The following BMPER variants were observed in gnomAD, a reference collection of about 807,000 sequenced individuals.
BMPER encodes the protein BMP-binding endothelial regulator protein.
In BMPER, 45 loss-of-function variants were observed where a neutral mutation model predicts 87.3. The ratio of observed to expected loss-of-function variants is 0.52; its 90% CI spans 0.41 to 0.66. BMPER has a LOEUF of 0.66. Ranked by LOEUF, BMPER falls within the 30% of genes least tolerant of loss-of-function variation. The pLI, the probability that BMPER is intolerant of heterozygous loss-of-function variation, is 0.00. For missense variants in BMPER, 784 were observed against 867.5 expected (o/e 0.90, Z 1.21); for synonymous variants, 326 against 316.2 (o/e 1.03, Z -0.33).
intron 13 of BMPER, among the ~76,000 whole-genome samples, chr7:34,100,053 C>T (rs1258263873): frequency 1.3e-5 from 2 of 152,060 alleles, no homozygotes; most frequent in Non-Finnish European, 2.9e-5. Context: ...TTCCTCCCTC[C>T]CTCCCTCTCT....
intron 13 of BMPER, among the ~76,000 whole-genome samples, chr7:34,125,087 C>T (rs1385499409): frequency 6.6e-6 from 1 of 151,508 alleles, no homozygotes; most frequent in African/African-American, 2.4e-5. Flanking sequence ...GGTATTTTTG[C>T]CCTTATATTT....
chr7:33,910,705 T>C (rs886406937), intron 2 of BMPER, among the ~76,000 whole-genome samples: 2 of 152,208 alleles, frequency 1.3e-5, no homozygotes, highest in South Asian at 4.1e-4. Context: ...AATTCAATGT[T>C]ACAAGAATCA....
At chr7:33,929,495 A>G (rs1292696764) in intron 2 of BMPER, among the ~76,000 whole-genome samples, 1 of 152,212 alleles carries the variant, frequency 6.6e-6, no homozygotes, top group Non-Finnish European at 1.5e-5. Flanking sequence ...TGTGTTCAGA[A>G]TGAAACCATA....
At chr7:34,020,857 T>A (rs1787160838) in intron 6 of BMPER, among the ~76,000 whole-genome samples, 1 of 129,894 alleles carries the variant, frequency 7.7e-6, no homozygotes, top group African/African-American at 3.0e-5. Context: ...GATGAATTTC[T>A]TAACACACAC....
chr7:34,152,517 C>A (rs1442150312), intron 14 of BMPER, among the ~76,000 whole-genome samples: 1 of 152,206 alleles, frequency 6.6e-6, no homozygotes, highest in Non-Finnish European at 1.5e-5. Flanking sequence ...TTTGACCCAG[C>A]CAGCTGCTGT....
chr7:33,994,127 T>C (rs1282750355), intron 6 of BMPER, among the ~76,000 whole-genome samples: 1 of 152,144 alleles, frequency 6.6e-6, no homozygotes, highest in African/African-American at 2.4e-5. Flanking sequence ...GCAGGCCTCC[T>C]TGAGCTGTGG....
At chr7:34,096,145 A>C (rs766653715) in intron 13 of BMPER, among the ~76,000 whole-genome samples, 5 of 152,198 alleles carry the variant, frequency 3.3e-5, no homozygotes, top group Non-Finnish European at 5.9e-5. Context: ...CCTGGGTGCC[A>C]GAACTCCTTG....
At chr7:34,024,384 A>AATATATATATAT (rs200214350) in intron 6 of BMPER, among the ~76,000 whole-genome samples, 7 of 23,428 alleles carry the variant, frequency 3.0e-4, no homozygotes, top group Non-Finnish European at 4.1e-4. Context: ...AAAAAAAAAC[A>AATATATATATAT]ATATATATAT....
chr7:34,046,974 G>A (rs1048380586), intron 7 of BMPER, among the ~76,000 whole-genome samples: 6 of 150,306 alleles, frequency 4.0e-5, no homozygotes, highest in Admixed American at 2.0e-4. Flanking sequence ...GTGAAATGTA[G>A]GTACTAAGTA....
chr7:33,944,330 A>T (rs1210398013), intron 3 of BMPER, among the ~76,000 whole-genome samples: 4 of 151,602 alleles, frequency 2.6e-5, no homozygotes, highest in African/African-American at 9.7e-5. Context: ...AATGCCCGGC[A>T]ATTTTTTTGT....
At chr7:33,933,738 C>T (rs1425700328) in intron 2 of BMPER, among the ~76,000 whole-genome samples, 3 of 152,160 alleles carry the variant, frequency 2.0e-5, no homozygotes, top group African/African-American at 7.2e-5. Context: ...TGTCTGGAGC[C>T]ACCAGGAAGA....
chr7:34,133,480 T>A (rs147799941), intron 13 of BMPER, among the ~76,000 whole-genome samples: 1 of 152,262 alleles, frequency 6.6e-6, no homozygotes, highest in Non-Finnish European at 1.5e-5. Flanking sequence ...TGTGCATCTC[T>A]TCCATCTGGC....
At position 33,928,342 on chromosome 7, in the gene BMPER, C is replaced by T. The variant is rs879871281; in HGVS notation, c.220-8947C>T. Among the ~76,000 whole-genome samples the T allele has an allele frequency of 2.2e-4, 34 of 152,252 alleles. 1 individual carries two copies. Among genetic ancestry groups the T allele is most frequent in the East Asian group, 7.7e-4 (4 of 5,168 alleles). On this transcript the variant is annotated intron_variant, in intron 2 of 14. Transcript: ENST00000649409. ...CCACGGGGCTCGATCCCTGGCTCTG[C>T]GTGTTCCCTCCATTCCAGTTACACA... is the stretch of plus-strand genomic sequence containing the variant.
intron 10 of BMPER, among the ~76,000 whole-genome samples, chr7:34,061,379 T>G (rs961253859): frequency 2.6e-5 from 4 of 152,158 alleles, no homozygotes; most frequent in African/African-American, 9.7e-5. Flanking sequence ...TCCAGAAAGG[T>G]AATGAAGCAT....
rs1183639875 is a variant in BMPER at position 33,906,830 on chromosome 7, A to G, written c.146A>G (p.Lys49Arg). The G allele has an allele frequency of 1.9e-6, 3 of 1,613,644 alleles. No individual in the cohort carries two copies. Among genetic ancestry groups the G allele is most frequent in the Non-Finnish European group, 2.5e-6 (3 of 1,179,742 alleles). ...CCCTGAATTTCAGGTTCTGTTGCAA[A>G]ATGTGAAAATGAAGGTGAAGTCCTC... ...ASSFLTGSVA[K>R]CENEGEVLQI... is the part of the protein sequence containing the mutation. The change falls in exon 2 of 15, where the codon AAA (lysine) becomes AGA (arginine). Residue 49 changes from lysine to arginine, a missense_variant. Transcript: ENST00000649409.
intron 10 of BMPER, 137 bp from the exon 11 acceptor site, chr7:34,061,865 C>G (rs1788444188): frequency 1.4e-6 from 1 of 716,010 alleles, no homozygotes; most frequent in Admixed American, 2.8e-5. Context: ...ACCATCTGGG[C>G]ATTGAGTTCA....
In BMPER at chr7:33,940,026, G is replaced by A. The variant is rs751686087; in HGVS notation, c.319+2638G>A. 3.3e-5 allele frequency: 8 copies of A among 240,286 alleles called. No homozygotes were observed. The South Asian group carries it at 3.9e-4, about 12-fold the overall frequency. 14.9% of individuals were successfully genotyped at this position (240,286 alleles called of 1,614,324 possible). ...CTGGAGACTCCCAGTATTTTGGTGAGTTTTTTTTTTAATTGGAATTGTAAC... is the reference window on the plus strand; with the variant it reads ...CTGGAGACTCCCAGTATTTTGGTGAATTTTTTTTTTAATTGGAATTGTAAC... On this transcript the variant is annotated intron_variant, in intron 3 of 14. Coordinates refer to ENST00000649409, the MANE Select transcript of BMPER (RefSeq NM_001365308.1).
intron 6 of BMPER, among the ~76,000 whole-genome samples, chr7:33,981,705 C>T (rs879147762): frequency 1.3e-5 from 2 of 152,192 alleles, no homozygotes; most frequent in Non-Finnish European, 2.9e-5. Context: ...TCTTCTCTCT[C>T]TGCTACTTTC....
intron 6 of BMPER, among the ~76,000 whole-genome samples, chr7:33,992,380 T>C (rs1361110623): frequency 2.2e-5 from 3 of 135,890 alleles, no homozygotes; most frequent in Non-Finnish European, 4.7e-5. Flanking sequence ...AATGGCCTTC[T>C]TTGTCTCTTT....
Sources: gnomAD v4.1 joint callset for allele counts (sites outside exome capture counted in the v4.1 genomes callset) on GRCh38, gnomAD v4.1.1 for gene constraint, MANE v1.5 for transcripts, NCBI Gene and HGNC (gene_info 2026-07-23, HGNC 2026-07-21) for gene names.